SRGAP2: variants seen among roughly 807,000 people sequenced by gnomAD.
The protein encoded by SRGAP2 is SLIT-ROBO Rho GTPase activating protein 2.
Under a neutral mutation model 57.2 loss-of-function variants are expected in SRGAP2, and 15 were observed. That is an observed-to-expected ratio of 0.26 (90% CI 0.18 to 0.40). SRGAP2 has a LOEUF of 0.40. Among genes scored for constraint, SRGAP2 ranks in the 10% least tolerant of loss-of-function variants. The pLI, the probability that SRGAP2 is intolerant of heterozygous loss-of-function variation, is 1.00. For missense variants in SRGAP2, 520 were observed against 669.6 expected (o/e 0.78, Z 2.47); for synonymous variants, 249 against 248.0 (o/e 1.00, Z -0.04).
At chr1:206,262,397 T>G (rs1315074952) in intron 2 of SRGAP2, among the ~76,000 whole-genome samples, 2 of 144,444 alleles carry the variant, frequency 1.4e-5, no homozygotes, top group Admixed American at 6.9e-5. Context: ...TAACAGAGGG[T>G]CTTCTAAAGA....
At chr1:206,221,182 C>T (rs1173942139) in intron 2 of SRGAP2, among the ~76,000 whole-genome samples, 2 of 148,766 alleles carry the variant, frequency 1.3e-5, no homozygotes, top group Admixed American at 6.6e-5. Flanking sequence ...CCTCATGATC[C>T]GCCTGCCTCA....
At chr1:206,383,102 G>GC (rs1294285590) in intron 4 of SRGAP2, among the ~76,000 whole-genome samples, 3 of 143,976 alleles carry the variant, frequency 2.1e-5, no homozygotes, top group Admixed American at 2.1e-4. Context: ...TCGGCTCACT[G>GC]CAACCTCCAC....
chr1:206,277,140 T>C (rs2102675458), intron 2 of SRGAP2, among the ~76,000 whole-genome samples: 1 of 150,922 alleles, frequency 6.6e-6, no homozygotes, highest in East Asian at 2.0e-4. Context: ...AATTTTTGTA[T>C]TTTTAGTAGA....
intron 3 of SRGAP2, among the ~76,000 whole-genome samples, chr1:206,332,303 C>T (rs1179559452): frequency 6.6e-5 from 3 of 45,228 alleles, no homozygotes; most frequent in Admixed American, 2.7e-4. Flanking sequence ...TTGCTCTTCT[C>T]GAGGAGTATC....
chr1:206,304,616 G>A (rs1213449722), intron 3 of SRGAP2, among the ~76,000 whole-genome samples: 2 of 151,902 alleles, frequency 1.3e-5, no homozygotes, highest in African/African-American at 4.8e-5. Context: ...GGTTGGACAA[G>A]CTTGGTCTAC....
chr1:206,249,847 C>G (rs1668732284), intron 2 of SRGAP2, among the ~76,000 whole-genome samples: 1 of 148,740 alleles, frequency 6.7e-6, no homozygotes, highest in South Asian at 2.2e-4. Context: ...TCTGACTCCC[C>G]CTCCTCCTTC....
intron 4 of SRGAP2, among the ~76,000 whole-genome samples, chr1:206,351,202 A>G (rs1553338101): frequency 6.6e-6 from 1 of 151,826 alleles, no homozygotes; most frequent in Non-Finnish European, 1.5e-5. Flanking sequence ...GAAGAGGAGA[A>G]GTGGTGACCC....
At chr1:206,423,767 C>A (rs1660530102) in intron 13 of SRGAP2, among the ~76,000 whole-genome samples, 1 of 147,912 alleles carries the variant, frequency 6.8e-6, no homozygotes, top group Admixed American at 6.9e-5. Flanking sequence ...ATTTTCTGGC[C>A]ACCTTTCTGA....
intron 18 of SRGAP2, among the ~76,000 whole-genome samples, chr1:206,448,025 GAACAAGAGTCAGC>G (rs1214989676): frequency 2.0e-5 from 3 of 152,206 alleles, no homozygotes; most frequent in Non-Finnish European, 4.4e-5. Context: ...AGCACCTGAG[GAACAAGAGTCAGC>G]AACCTTGGGT....
rs782184739 is a variant in SRGAP2, at chr1:206,454,899, G to A, written c.2382G>A (p.Arg794=). The A allele has an allele frequency of 1.3e-6, 1 of 778,252 alleles. No homozygotes were observed. Among genetic ancestry groups the A allele is most frequent in the South Asian group, 1.3e-5 (1 of 74,286 alleles). The allele number at this position is 778,252 out of a possible 1,614,324, so 48.2% of individuals were successfully genotyped here. Residue 794 remains arginine (R), a synonymous_variant, in exon 21 of 23, where the codon AGG becomes AGA. Transcript: ENST00000573034. The surrounding 1 kb of genome is among the most constrained non-coding windows in gnomAD (Gnocchi z 4.3). The part of the protein sequence containing the change: ...VQDTEDGVVE[R]SSPKSEIEVI... ...CCAGCGAGGACGGTGTCGTGGAGAG[G>A]TCCAGCCCCAAGTCTGAGATTGAGG... is the stretch of plus-strand genomic sequence containing the variant.
chr1:206,447,336 G>A (rs1553374230), intron 18 of SRGAP2, among the ~76,000 whole-genome samples: 1 of 152,202 alleles, frequency 6.6e-6, no homozygotes, highest in Non-Finnish European at 1.5e-5. Context: ...AGGGGAGGTT[G>A]TTTACTTAAT....
At chr1:206,240,159 A>G (rs144103988) in intron 2 of SRGAP2, among the ~76,000 whole-genome samples, 1,801 of 151,702 alleles carry the variant, frequency 0.012, 11 homozygotes, top group Middle Eastern at 0.024. Context: ...CCAGCTACTC[A>G]GGAGGCTGAG....
At chr1:206,324,409 TA>T (rs1482268193) in intron 3 of SRGAP2, among the ~76,000 whole-genome samples, 1 of 152,262 alleles carries the variant, frequency 6.6e-6, no homozygotes, top group Non-Finnish European at 1.5e-5. Flanking sequence ...TATACCCTTT[TA>T]AAATCTTCCA....
intron 2 of SRGAP2, among the ~76,000 whole-genome samples, chr1:206,285,700 C>T (rs1670984644): frequency 6.6e-6 from 1 of 152,012 alleles, no homozygotes; most frequent in South Asian, 2.1e-4. Flanking sequence ...CAGAGTGTTG[C>T]TCTGTCACCC....
At chr1:206,326,014 G>A (rs1673850800) in intron 3 of SRGAP2, among the ~76,000 whole-genome samples, 2 of 151,138 alleles carry the variant, frequency 1.3e-5, no homozygotes, top group African/African-American at 4.9e-5. Context: ...GGCTGTTGAA[G>A]GCTTCAGATC....
At chr1:206,335,408 CA>C (rs1553333425) in intron 3 of SRGAP2, among the ~76,000 whole-genome samples, 1 of 151,976 alleles carries the variant, frequency 6.6e-6, no homozygotes, top group African/African-American at 2.4e-5. Context: ...TTTTCTAAGT[CA>C]GCCAAATCAG....
At chr1:206,453,783 C>A (rs527326036) in intron 20 of SRGAP2, 2 of 283,446 alleles carry the variant, frequency 7.1e-6, no homozygotes, top group East Asian at 6.6e-5. Context: ...CAACTATGCT[C>A]ACCCCAACCT....
chr1:206,333,280 T>C, intron 3 of SRGAP2: 1 of 1,164,984 alleles, frequency 8.6e-7, no homozygotes, highest in East Asian at 2.4e-5. Flanking sequence ...AGACCGGAGC[T>C]GTTCCTATTC....
rs1288523249 is a variant in SRGAP2, at chr1:206,290,662, A to G, written c.68-12619A>G. On this transcript the variant is annotated intron_variant, in intron 2 of 22. Transcript: ENST00000573034. ...ATCTCAAAAAAAAAAAAAAAAAAAA[A>G]AAGAAGAAGAAATGTATGTAGTGCT... Among the ~76,000 whole-genome samples the G allele has an allele frequency of 2.2e-3, 325 of 150,704 alleles. 2 individuals are homozygous for G. The highest frequency in any genetic ancestry group is 7.5e-3 in the African/African-American group (304 of 40,664).
Sources: gnomAD v4.1 joint callset for allele counts (sites outside exome capture counted in the v4.1 genomes callset) on GRCh38, gnomAD v4.1.1 for gene constraint, Gnocchi (gnomAD v3.1) non-coding constraint, MANE v1.5 for transcripts, NCBI Gene and HGNC (gene_info 2026-07-23, HGNC 2026-07-21) for gene names.